ADAM23: variants seen among roughly 807,000 people sequenced by gnomAD.
ADAM23 encodes the protein disintegrin and metalloproteinase domain-containing protein 23.
In ADAM23, 33 loss-of-function variants were observed where a neutral mutation model predicts 120.1. That is an observed-to-expected ratio of 0.27 (90% CI 0.21 to 0.37). The LOEUF (loss-of-function observed/expected upper bound fraction) is 0.37. Ranked by LOEUF, ADAM23 falls within the 10% of genes least tolerant of loss-of-function variation. ADAM23 has a pLI of 1.00. For missense variants in ADAM23, 862 were observed against 1,058.2 expected (o/e 0.81, Z 2.57); for synonymous variants, 367 against 375.2 (o/e 0.98, Z 0.25).
At chr2:206,477,887 A>ATATATAT (rs1285925261) in intron 2 of ADAM23, among the ~76,000 whole-genome samples, 15 of 82,320 alleles carry the variant, frequency 1.8e-4, no homozygotes, top group South Asian at 9.8e-4. Flanking sequence ...TGTTAAAAAA[A>ATATATAT]AAAAAAAAAA....
chr2:206,608,967 A>AT (rs1331157163), intron 24 of ADAM23, among the ~76,000 whole-genome samples: 2 of 152,228 alleles, frequency 1.3e-5, no homozygotes, highest in African/African-American at 4.8e-5. Flanking sequence ...CTGTACCTGC[A>AT]TGTTAGCATC....
chr2:206,588,256 G>A, intron 20 of ADAM23, 102 bp downstream of exon 20: 3 of 1,240,064 alleles, frequency 2.4e-6, no homozygotes, highest in Admixed American at 2.4e-5. Flanking sequence ...TTGGAGTGAT[G>A]TTTTAAAAAA....
chr2:206,506,275 C>G (rs1343411839), intron 3 of ADAM23, among the ~76,000 whole-genome samples: 2 of 152,160 alleles, frequency 1.3e-5, no homozygotes, highest in East Asian at 3.8e-4. Context: ...CATATTTAAG[C>G]AACTTTTGCA....
chr2:206,555,319 T>A (rs1697621046), intron 9 of ADAM23, among the ~76,000 whole-genome samples: 1 of 152,172 alleles, frequency 6.6e-6, no homozygotes, highest in South Asian at 2.1e-4. Context: ...CCATTCAAGT[T>A]CAAAACCTAG....
chr2:206,570,828 T>G lies in ADAM23; in HGVS notation c.1566+17T>G. 1.2e-6 allele frequency: 2 copies of G among 1,603,976 alleles called. No homozygotes were observed. Among genetic ancestry groups the G allele is most frequent in the Non-Finnish European group, 1.7e-6 (2 of 1,170,978 alleles). On this transcript the variant is annotated intron_variant, in intron 16 of 25. Coordinates refer to ENST00000264377, the MANE Select transcript of ADAM23 (RefSeq NM_003812.4). ...TTTCATGTGGTAGGTATAAGAAACC[T>G]TCTATACTTACAGCACAGATCTTAC...
chr2:206,514,890 A>G (rs1189427942), intron 3 of ADAM23, among the ~76,000 whole-genome samples: 1 of 152,228 alleles, frequency 6.6e-6, no homozygotes, highest in African/African-American at 2.4e-5. Flanking sequence ...TTTTTTAGCA[A>G]TAAAGTATTT....
At chr2:206,489,102 C>T (rs1437522619) in intron 3 of ADAM23, among the ~76,000 whole-genome samples, 2 of 152,216 alleles carry the variant, frequency 1.3e-5, no homozygotes, top group Non-Finnish European at 2.9e-5. Flanking sequence ...CCTCCTGCCT[C>T]ATTTTTCTCT....
chr2:206,571,489 GA>G (rs903917175), intron 16 of ADAM23, among the ~76,000 whole-genome samples: 125 of 148,288 alleles, frequency 8.4e-4, no homozygotes, highest in African/African-American at 2.7e-3. Flanking sequence ...AAACAAAAAG[GA>G]AAAAAAAAAT....
chr2:206,548,247 A>G (rs376198281), intron 7 of ADAM23, 34 bp from the exon 8 acceptor site: 44 of 1,584,564 alleles, frequency 2.8e-5, no homozygotes, highest in Non-Finnish European at 3.7e-5. Flanking sequence ...TGAAATAAGC[A>G]TAAAATTTTG....
chr2:206,483,708 A>G (rs1272015393), intron 3 of ADAM23, among the ~76,000 whole-genome samples: 3 of 152,218 alleles, frequency 2.0e-5, no homozygotes, highest in Non-Finnish European at 4.4e-5. Flanking sequence ...CTGTGGAATA[A>G]TCTAATGAGG....
intron 2 of ADAM23, among the ~76,000 whole-genome samples, chr2:206,469,649 C>T (rs1020017868): frequency 5.9e-5 from 9 of 152,180 alleles, no homozygotes; most frequent in Non-Finnish European, 8.8e-5. Context: ...CTATTTCATT[C>T]AGAATAAAAG....
At chr2:206,461,560 G>A (rs1445118383) in intron 2 of ADAM23, among the ~76,000 whole-genome samples, 1 of 152,160 alleles carries the variant, frequency 6.6e-6, no homozygotes, top group African/African-American at 2.4e-5. Flanking sequence ...AAACTTTAGT[G>A]TGAGTTGGAA....
At chr2:206,575,356 T>C (rs1339705830) in intron 18 of ADAM23, among the ~76,000 whole-genome samples, 1 of 152,196 alleles carries the variant, frequency 6.6e-6, no homozygotes, top group Admixed American at 6.6e-5. Flanking sequence ...TGTTACACAG[T>C]TTTTATAGTT....
chr2:206,491,607 A>G (rs1167786293), intron 3 of ADAM23, among the ~76,000 whole-genome samples: 1 of 152,202 alleles, frequency 6.6e-6, no homozygotes, highest in African/African-American at 2.4e-5. Flanking sequence ...ATGTATAAAA[A>G]TTCCAGCAGA....
intron 2 of ADAM23, among the ~76,000 whole-genome samples, chr2:206,469,411 A>G (rs1035962590): frequency 4.6e-5 from 7 of 152,072 alleles, no homozygotes; most frequent in East Asian, 1.9e-4. Flanking sequence ...CTTTGCCTTC[A>G]CTATCTTCCC....
intron 3 of ADAM23, among the ~76,000 whole-genome samples, chr2:206,526,181 G>C (rs200079908): frequency 5.0e-4 from 61 of 123,144 alleles, no homozygotes; most frequent in East Asian, 9.8e-4. Context: ...CACACACACA[G>C]ACACACACAG....
intron 10 of ADAM23, among the ~76,000 whole-genome samples, chr2:206,559,083 T>C (rs1697706563): frequency 6.6e-6 from 1 of 152,140 alleles, no homozygotes; most frequent in Admixed American, 6.5e-5. Flanking sequence ...TAGCTGGGAC[T>C]ACAGGCGCCC....
At chr2:206,571,369 G>C (rs908062477) in intron 16 of ADAM23, among the ~76,000 whole-genome samples, 7 of 152,162 alleles carry the variant, frequency 4.6e-5, no homozygotes, top group Admixed American at 6.5e-5. Flanking sequence ...CAGCTACTCG[G>C]GAGGCTGAGG....
intron 3 of ADAM23, among the ~76,000 whole-genome samples, chr2:206,497,571 C>T (rs371104696): frequency 0.017 from 2,533 of 152,238 alleles, 52 homozygotes; most frequent in South Asian, 0.068. Flanking sequence ...AAACTGGAAG[C>T]ATTCCCTTTG....
Sources: gnomAD v4.1 joint callset for allele counts (sites outside exome capture counted in the v4.1 genomes callset) on GRCh38, gnomAD v4.1.1 for gene constraint, MANE v1.5 for transcripts, NCBI Gene and HGNC (gene_info 2026-07-23, HGNC 2026-07-21) for gene names.